Variants in IRAG2 observed in about 807,000 individuals in gnomAD.
IRAG2 encodes lymphoid restricted membrane protein.
Under a neutral mutation model 69.9 loss-of-function variants are expected in IRAG2, and 45 were observed. The ratio of observed to expected loss-of-function variants is 0.64; its 90% CI spans 0.51 to 0.83. The LOEUF is 0.83. Ranked by LOEUF, IRAG2 falls within the 40% of genes least tolerant of loss-of-function variation. The pLI is 0.00. For synonymous variants in IRAG2, 193 were observed against 202.4 expected, an observed-to-expected ratio of 0.95 and a Z score of 0.40; for missense variants, 520 against 587.0, an observed-to-expected ratio of 0.89 and a Z score of 1.18.
At chr12:25,073,847 A>G (rs1946487956) in intron 6 of IRAG2, among the ~76,000 whole-genome samples, 2 of 152,246 alleles carry the variant, frequency 1.3e-5, no homozygotes, top group Non-Finnish European at 2.9e-5. Flanking sequence ...ATTTGCTTCA[A>G]AACAAGGTTT....
chr12:25,107,672 A>G (rs1441886997), intron 21 of IRAG2, 145 bp from the exon 22 acceptor site: 11 of 725,108 alleles, frequency 1.5e-5, no homozygotes, highest in Non-Finnish European at 2.2e-5. Context: ...TGTTTCCAAA[A>G]CCAAAATGAT....
chr12:25,068,139 C>G (rs185851101), intron 5 of IRAG2, among the ~76,000 whole-genome samples: 2 of 151,836 alleles, frequency 1.3e-5, no homozygotes, highest in Non-Finnish European at 2.9e-5. Flanking sequence ...CAGCACTTGA[C>G]CTTGTATTTT....
At chr12:25,010,153 C>G (rs1944463501) in intron 2 of IRAG2, among the ~76,000 whole-genome samples, 1 of 152,164 alleles carries the variant, frequency 6.6e-6, no homozygotes, top group Non-Finnish European at 1.5e-5. Flanking sequence ...GGCTTTCCAG[C>G]TTGCTTTCCA....
intron 1 of IRAG2, among the ~76,000 whole-genome samples, chr12:25,059,629 C>T (rs1945489150): frequency 6.6e-6 from 1 of 152,196 alleles, no homozygotes; most frequent in Non-Finnish European, 1.5e-5. Context: ...GCTGGGATTA[C>T]AGGCATGAGC....
intron 9 of IRAG2, among the ~76,000 whole-genome samples, chr12:25,082,830 G>A (rs1947315763): frequency 6.6e-6 from 1 of 152,090 alleles, no homozygotes; most frequent in Admixed American, 6.6e-5. Context: ...TGAACTAAAT[G>A]TAGGACAATG....
upstream of IRAG2, among the ~76,000 whole-genome samples, chr12:25,000,443 A>G (rs1944383440): frequency 6.7e-6 from 1 of 148,610 alleles, no homozygotes; most frequent in Non-Finnish European, 1.5e-5. Flanking sequence ...GGGGCACCAT[A>G]TCAAAAAAAA....
intron 7 of IRAG2, chr12:25,023,856 C>T: frequency 1.4e-5 from 17 of 1,196,172 alleles, no homozygotes; most frequent in Non-Finnish European, 1.8e-5. Context: ...AATTATTTTT[C>T]TCACAATGAA....
At chr12:25,021,897 T>TTG (rs1944584075) in intron 7 of IRAG2, among the ~76,000 whole-genome samples, 1 of 152,194 alleles carries the variant, frequency 6.6e-6, no homozygotes, top group African/African-American at 2.4e-5. Flanking sequence ...GCCAGGTCTT[T>TTG]TGTGACCCTG....
At chr12:25,025,465 G>C (rs1422749429) in intron 8 of IRAG2, among the ~76,000 whole-genome samples, 1 of 152,194 alleles carries the variant, frequency 6.6e-6, no homozygotes, top group East Asian at 1.9e-4. Context: ...CCAGACACAA[G>C]GGGCTTACAC....
At chr12:25,031,262 T>C (rs1489235030) in intron 10 of IRAG2, among the ~76,000 whole-genome samples, 1 of 152,228 alleles carries the variant, frequency 6.6e-6, no homozygotes, top group African/African-American at 2.4e-5. Flanking sequence ...GCGATAGTAG[T>C]GGCTACTCAG....
At chr12:25,007,993 A>G (rs1466928173) in intron 2 of IRAG2, among the ~76,000 whole-genome samples, 1 of 152,172 alleles carries the variant, frequency 6.6e-6, no homozygotes. Flanking sequence ...ATAGGTTGGT[A>G]CAAATGTGAC....
chr12:25,101,652 A>G (rs1217762207), intron 16 of IRAG2, among the ~76,000 whole-genome samples: 3 of 152,222 alleles, frequency 2.0e-5, no homozygotes, highest in Non-Finnish European at 4.4e-5. Flanking sequence ...CGTAAAAAGT[A>G]AGGATAAATA....
intron 10 of IRAG2, among the ~76,000 whole-genome samples, chr12:25,087,357 G>A (rs969579654): frequency 2.0e-5 from 3 of 151,398 alleles, no homozygotes; most frequent in Non-Finnish European, 4.4e-5. Flanking sequence ...TAGTAGAGAC[G>A]GGGTTTTGCC....
intron 16 of IRAG2, 167 bp from the exon 17 acceptor site, chr12:25,102,031 T>C (rs1291360323): frequency 2.9e-6 from 2 of 700,314 alleles, no homozygotes; most frequent in Non-Finnish European, 5.2e-6. Flanking sequence ...AGATGGTAAT[T>C]GTTATGAAGA....
At position 25,052,817 on chromosome 12, in the gene IRAG2, C is replaced by T; in HGVS notation, c.-586C>T. ...AGGGTAAGGATCGAGATCGAGAAGC[C>T]CACACTGCCAGTGAAAAAGCTACGT... On this transcript the variant is annotated 5_prime_UTR_variant, in exon 1 of 22. Coordinates refer to ENST00000556887, the MANE Select transcript of IRAG2 (RefSeq NM_001366544.2). 2 of 398,534 alleles carry T rather than the reference C, an allele frequency of 5.0e-6. No individual in the cohort carries two copies. The highest frequency in any genetic ancestry group is 8.8e-6 in the Non-Finnish European group (2 of 226,048). 24.7% of individuals were successfully genotyped at this position (398,534 alleles called of 1,614,324 possible). A position where few individuals can be genotyped will look rare whatever the true frequency, so the allele number is the denominator to read the frequency against.
intron 5 of IRAG2, among the ~76,000 whole-genome samples, chr12:25,016,949 G>C (rs1283312911): frequency 6.6e-6 from 1 of 151,468 alleles, no homozygotes; most frequent in Non-Finnish European, 1.5e-5. Context: ...TGATGCTATT[G>C]TAATAAAATC....
At chr12:25,055,385 C>G (rs574874487) in intron 1 of IRAG2, among the ~76,000 whole-genome samples, 95 of 152,302 alleles carry the variant, frequency 6.2e-4, no homozygotes, top group Middle Eastern at 6.8e-3. Context: ...TCTTCTGCAT[C>G]TAAACTTTGT....
chr12:25,083,302 G>T, intron 9 of IRAG2, 121 bp from the exon 10 acceptor site: 2 of 744,720 alleles, frequency 2.7e-6, no homozygotes, highest in Non-Finnish European at 4.9e-6. Context: ...TTCATAATTT[G>T]TCTCATATGT....
rs1944422050 is a variant in IRAG2 at position 25,005,233 on chromosome 12, T to A, written c.575-8T>A. On this transcript the variant is annotated splice_region_variant and splice_polypyrimidine_tract_variant and intron_variant, in intron 1 of 38. Transcript: ENST00000636465. ...GCATCAGGATTTACAAACTTTTTCT[T>A]CTAATAGGATGGAAACAAGAAGCTG... is the stretch of plus-strand genomic sequence containing the variant. 2.5e-6 allele frequency: 3 copies of A among 1,196,390 alleles called. No individual in the cohort carries two copies. The Admixed American group carries it at 1.3e-4, about 51-fold the overall frequency. 74.1% of individuals were successfully genotyped at this position (1,196,390 alleles called of 1,614,324 possible).
Sources: gnomAD v4.1 joint callset for allele counts (sites outside exome capture counted in the v4.1 genomes callset) on GRCh38, gnomAD v4.1.1 for gene constraint, MANE v1.5 for transcripts, NCBI Gene and HGNC (gene_info 2026-07-23, HGNC 2026-07-21) for gene names.